ANKIB1: variants seen among roughly 807,000 people sequenced by gnomAD.
ANKIB1 encodes ankyrin repeat and IBR domain containing 1, also known as ankyrin repeat and IBR domain-containing protein 1.
Under a neutral mutation model 122.1 loss-of-function variants are expected in ANKIB1, and 43 were observed. The observed-to-expected ratio is 0.35, with a 90% CI of 0.28 to 0.45. The LOEUF (loss-of-function observed/expected upper bound fraction) is 0.45, where lower values mean the gene tolerates loss of function less well. Among genes scored for constraint, ANKIB1 ranks in the 20% least tolerant of loss-of-function variants. The pLI, the probability that ANKIB1 is intolerant of heterozygous loss-of-function variation, is 1.00. For missense variants in ANKIB1, 992 were observed against 1,329.5 expected, an observed-to-expected ratio of 0.75 and a Z score of 3.95; for synonymous variants, 390 against 442.0, an observed-to-expected ratio of 0.88 and a Z score of 1.48.
At chr7:92,346,156 C>T (rs1803535015) in intron 7 of ANKIB1, among the ~76,000 whole-genome samples, 2 of 151,642 alleles carry the variant, frequency 1.3e-5, no homozygotes, top group Non-Finnish European at 2.9e-5. Context: ...GAGACAGGGT[C>T]TCACTCTGTC....
At chr7:92,356,175 C>T (rs1585123341) in intron 9 of ANKIB1, among the ~76,000 whole-genome samples, 1 of 152,270 alleles carries the variant, frequency 6.6e-6, no homozygotes, top group East Asian at 1.9e-4. Flanking sequence ...GCAGTAGTTG[C>T]ATGCATCATC....
At chr7:92,385,894 A>G (rs888567813) in intron 11 of ANKIB1, among the ~76,000 whole-genome samples, 10 of 152,184 alleles carry the variant, frequency 6.6e-5, no homozygotes, top group African/African-American at 1.4e-4. Flanking sequence ...AATAAAATAA[A>G]AAATAAATAA....
At chr7:92,316,971 G>C (rs1479228151) in intron 3 of ANKIB1, among the ~76,000 whole-genome samples, 4 of 152,126 alleles carry the variant, frequency 2.6e-5, no homozygotes, top group Non-Finnish European at 1.5e-5. Flanking sequence ...AGTTATCCCA[G>C]CATGCATTTT....
intron 17 of ANKIB1, among the ~76,000 whole-genome samples, chr7:92,392,926 C>G (rs1219830802): frequency 1.3e-5 from 2 of 152,046 alleles, no homozygotes; most frequent in Non-Finnish European, 2.9e-5. Flanking sequence ...AATCACATAG[C>G]TGTTTTCTGA....
chr7:92,340,964 G>A (rs1400350637), intron 5 of ANKIB1, among the ~76,000 whole-genome samples: 3 of 152,152 alleles, frequency 2.0e-5, no homozygotes, highest in Non-Finnish European at 4.4e-5. Context: ...AACACCCATT[G>A]CTGTAGAAGA....
chr7:92,321,407 C>T (rs571674785), intron 4 of ANKIB1, among the ~76,000 whole-genome samples: 169 of 152,230 alleles, frequency 1.1e-3, no homozygotes, highest in African/African-American at 3.9e-3. Context: ...TAGGACCTAT[C>T]ACATGCTATA....
chr7:92,386,491 CTG>C lies in ANKIB1; in HGVS notation c.1618-14_1618-13del. On this transcript the variant is annotated splice_polypyrimidine_tract_variant and intron_variant, in intron 11 of 19. Transcript: ENST00000265742. The stretch of plus-strand genomic sequence containing the variant: ...TATTAATATGGGGAGATGTTTTCAT[CTG>C]TGTTTTCTTTTGAAGTGCAAGTATG... 1.3e-6 allele frequency: 2 copies of C among 1,574,192 alleles called. No homozygotes were observed. The highest frequency in any genetic ancestry group is 1.7e-6 in the Non-Finnish European group (2 of 1,163,432).
intron 1 of ANKIB1, among the ~76,000 whole-genome samples, chr7:92,261,363 A>G (rs1224688663): frequency 6.7e-6 from 1 of 149,420 alleles, no homozygotes; most frequent in African/African-American, 2.5e-5. Flanking sequence ...AAAAAAAAAA[A>G]AAAGAAAAGA....
intron 11 of ANKIB1, among the ~76,000 whole-genome samples, chr7:92,372,578 T>C (rs1456247128): frequency 1.3e-5 from 2 of 152,150 alleles, no homozygotes; most frequent in African/African-American, 2.4e-5. Flanking sequence ...GTTTATTATA[T>C]TGAAAATGAA....
At chr7:92,285,162 G>A (rs1054857032) in intron 1 of ANKIB1, among the ~76,000 whole-genome samples, 30 of 152,018 alleles carry the variant, frequency 2.0e-4, no homozygotes, top group African/African-American at 7.3e-4. Context: ...CTGCCTTCCG[G>A]GTTCAAGCGA....
intron 5 of ANKIB1, among the ~76,000 whole-genome samples, chr7:92,328,637 AAGGTAAATGC>A (rs775201955): frequency 5.9e-5 from 9 of 152,204 alleles, no homozygotes; most frequent in Non-Finnish European, 1.2e-4. Flanking sequence ...TAAAAAGATA[AAGGTAAATGC>A]AGGATTTAAA....
intron 1 of ANKIB1, among the ~76,000 whole-genome samples, chr7:92,258,320 C>G (rs915928698): frequency 2.6e-5 from 4 of 152,134 alleles, no homozygotes; most frequent in African/African-American, 9.7e-5. Context: ...TACTGATAAT[C>G]CTTGAGAGAA....
intron 10 of ANKIB1, 115 bp from the exon 11 acceptor site, chr7:92,371,362 A>G (rs1804250686): frequency 1.1e-6 from 1 of 875,656 alleles, no homozygotes; most frequent in Middle Eastern, 3.1e-4. Flanking sequence ...CAGAAAATAA[A>G]TATTTTATTA....
At chr7:92,285,013 TTGGAGGTTTTATGAG>T (rs1470911013) in intron 1 of ANKIB1, among the ~76,000 whole-genome samples, 14 of 152,182 alleles carry the variant, frequency 9.2e-5, no homozygotes, top group Admixed American at 3.3e-4. Flanking sequence ...CCGTGAATGT[TTGGAGGTTTTATGAG>T]TGGAGGTTTT....
Position 92,295,134 on chromosome 7 carries a change from T to C in ANKIB1, c.156T>C (p.Tyr52=), listed in dbSNP as rs1212491781. The change falls in exon 2 of 20, where the codon TAT becomes TAC. Residue 52 remains tyrosine (Y), a synonymous_variant. Transcript: ENST00000265742. The stretch of plus-strand genomic sequence containing the variant: ...ACCAGCACAATACTCCATTACATTA[T>C]GCTGCTAGACATGGAATGAATAAAA... ...EPYQHNTPLH[Y]AARHGMNKIL... 4.5e-6 allele frequency: 7 copies of C among 1,563,950 alleles called. No individual in the cohort carries two copies. The highest frequency in any genetic ancestry group is 6.1e-6 in the Non-Finnish European group (7 of 1,153,262).
chr7:92,254,793 A>T (rs1801401378), intron 1 of ANKIB1, among the ~76,000 whole-genome samples: 1 of 152,130 alleles, frequency 6.6e-6, no homozygotes, highest in African/African-American at 2.4e-5. Context: ...TTATGGTATC[A>T]CTTATTATAA....
intron 15 of ANKIB1, 89 bp from the exon 16 acceptor site, chr7:92,391,077 G>T: frequency 8.8e-7 from 1 of 1,132,640 alleles, no homozygotes; most frequent in South Asian, 2.8e-5. Flanking sequence ...AAAAGAGTTA[G>T]ATTTAACTGA....
Position 92,345,041 on chromosome 7 carries a change from G to C in ANKIB1, c.1060G>C (p.Asp354His). 1 of 1,613,140 alleles carries C rather than the reference G, an allele frequency of 6.2e-7. No homozygotes were observed. The highest frequency in any genetic ancestry group is 8.5e-7 in the Non-Finnish European group (1 of 1,179,424). ...EDPVDMPCGH[D>H]FCRGCWESFL... ...CCCTGTGGATATGCCCTGTGGACAT[G>C]ACTTTTGTAGAGGATGTTGGGAGTC... Residue 354 changes from aspartate (D) to histidine (H), a missense_variant, in exon 7 of 20, where the codon GAC (aspartate) becomes CAC (histidine). Around this residue, in one of 4 missense-constraint regions of ANKIB1, gnomAD observed 521 missense variants for 777.7 expected, o/e 0.67. Coordinates refer to ENST00000265742, the MANE Select transcript of ANKIB1 (RefSeq NM_019004.2).
chr7:92,371,409 G>GTT, intron 10 of ANKIB1, 68 bp from the exon 11 acceptor site: 2 of 1,348,690 alleles, frequency 1.5e-6, no homozygotes, highest in Non-Finnish European at 2.0e-6. Context: ...AGTGTGGAGG[G>GTT]TTTTTTTTTC....
Sources: gnomAD v4.1 joint callset for allele counts (sites outside exome capture counted in the v4.1 genomes callset) on GRCh38, gnomAD v4.1.1 for gene constraint, gnomAD v4.1.1 regional missense constraint, MANE v1.5 for transcripts, NCBI Gene and HGNC (gene_info 2026-07-23, HGNC 2026-07-21) for gene names.